The following NCOA2 variants were observed in gnomAD, a reference collection of about 807,000 sequenced individuals.
NCOA2 encodes nuclear receptor coactivator 2, also known as class E basic helix-loop-helix protein 75.
A neutral mutation model predicts 145.1 loss-of-function variants in NCOA2; 21 were observed. The ratio of observed to expected loss-of-function variants is 0.14; its 90% confidence interval spans 0.10 to 0.21. The LOEUF is 0.21. NCOA2 is among the 10% of genes least tolerant of loss of function. The pLI, the probability that NCOA2 is intolerant of heterozygous loss-of-function variation, is 1.00. For missense variants in NCOA2, 1,472 were observed against 1,837.6 expected, an observed-to-expected ratio of 0.80 and a Z score of 3.64; for synonymous variants, 619 against 637.5, an observed-to-expected ratio of 0.97 and a Z score of 0.44.
At chr8:70,280,960 G>A (rs184878902) in intron 2 of NCOA2, among the ~76,000 whole-genome samples, 5 of 151,988 alleles carry the variant, frequency 3.3e-5, no homozygotes, top group African/African-American at 1.2e-4. Context: ...GGCATCTGCA[G>A]GGGAAGGCAG....
intron 1 of NCOA2, among the ~76,000 whole-genome samples, chr8:70,325,485 G>A (rs952401684): frequency 1.3e-5 from 2 of 151,320 alleles, no homozygotes; most frequent in East Asian, 1.9e-4. Flanking sequence ...GTACAGTGGC[G>A]TAATCTCGGC....
At chr8:70,193,736 T>C (rs981124655) in intron 4 of NCOA2, among the ~76,000 whole-genome samples, 1 of 152,222 alleles carries the variant, frequency 6.6e-6, no homozygotes, top group Non-Finnish European at 1.5e-5. Context: ...TCTTACAGAA[T>C]GGTGGTATGC....
intron 1 of NCOA2, among the ~76,000 whole-genome samples, chr8:70,322,247 A>C (rs1806144175): frequency 6.6e-6 from 1 of 152,190 alleles, no homozygotes; most frequent in South Asian, 2.1e-4. Context: ...TATTTTTGGC[A>C]TGGTTCTTAC....
At chr8:70,250,081 C>T (rs73292817) in intron 2 of NCOA2, among the ~76,000 whole-genome samples, 5,589 of 151,170 alleles carry the variant, frequency 0.037, 352 homozygotes, top group African/African-American at 0.13. Flanking sequence ...TTAGTAATGT[C>T]GTTTTCATCA....
At chr8:70,119,221 C>T (rs1016056673) in intron 22 of NCOA2, among the ~76,000 whole-genome samples, 1 of 152,084 alleles carries the variant, frequency 6.6e-6, no homozygotes, top group African/African-American at 2.4e-5. Context: ...TCACAGTCAC[C>T]CTTCTCAGTC....
intron 1 of NCOA2, among the ~76,000 whole-genome samples, chr8:70,305,779 T>C (rs2135921939): frequency 6.6e-6 from 1 of 152,348 alleles, no homozygotes; most frequent in East Asian, 1.9e-4. Flanking sequence ...TATTATGCGA[T>C]TAAGTATGTC....
chr8:70,412,764 C>G, the NCOA2 span, among the ~76,000 whole-genome samples: 1 of 151,456 alleles, frequency 6.6e-6, no homozygotes, highest in Non-Finnish European at 1.5e-5. Context: ...GACATAACAC[C>G]AGGTATTGGC....
the NCOA2 span, chr8:70,424,268 T>C: frequency 2.6e-6 from 1 of 387,512 alleles, no homozygotes; most frequent in Non-Finnish European, 5.0e-6. Flanking sequence ...TCACGGAGCT[T>C]GTTATCCAGA....
At chr8:70,201,783 G>A (rs1047093462) in intron 4 of NCOA2, among the ~76,000 whole-genome samples, 4 of 152,132 alleles carry the variant, frequency 2.6e-5, no homozygotes, top group African/African-American at 9.7e-5. Flanking sequence ...AAAAGCTTCA[G>A]CGCAAGAAAT....
At position 70,129,124 on chromosome 8, in the gene NCOA2, G is replaced by C. The variant is rs1386001652; in HGVS notation, c.3325-144C>G. On this transcript the variant is annotated intron_variant, in intron 16 of 22. Coordinates refer to ENST00000452400, the MANE Select transcript of NCOA2 (RefSeq NM_006540.4). Reference sequence around the variant, plus strand: ...TACTTACTACACAAAGGTACCTTTAGAGCTTGACTCCACTTGTCTTTCTAG... The same window carrying C: ...TACTTACTACACAAAGGTACCTTTACAGCTTGACTCCACTTGTCTTTCTAG... The C allele has an allele frequency of 3.7e-6, 3 of 816,558 alleles. No homozygotes were observed. The East Asian group carries it at 8.0e-5, about 22-fold the overall frequency. The allele number at this position is 816,558 out of a possible 1,614,324, so 50.6% of individuals were successfully genotyped here.
At chr8:70,257,758 T>G (rs985919275) in intron 2 of NCOA2, among the ~76,000 whole-genome samples, 4 of 151,906 alleles carry the variant, frequency 2.6e-5, no homozygotes, top group Admixed American at 1.3e-4. Context: ...ACCAGAAAAC[T>G]TTTTCCCTGT....
intron 3 of NCOA2, 73 bp downstream of exon 3, chr8:70,216,587 G>T: frequency 8.1e-7 from 1 of 1,236,296 alleles, no homozygotes; most frequent in Non-Finnish European, 1.2e-6. Flanking sequence ...TAAAATCAAT[G>T]CTAAAATAAC....
intron 2 of NCOA2, among the ~76,000 whole-genome samples, chr8:70,242,780 T>A (rs1235024308): frequency 1.3e-5 from 2 of 152,136 alleles, no homozygotes; most frequent in Admixed American, 1.3e-4. Flanking sequence ...TGAACACATT[T>A]CACTGAGTTT....
At chr8:70,187,669 T>C (rs1274492434) in intron 4 of NCOA2, among the ~76,000 whole-genome samples, 1 of 152,226 alleles carries the variant, frequency 6.6e-6, no homozygotes, top group Non-Finnish European at 1.5e-5. Context: ...AGTATCTAAT[T>C]ATAAATATGA....
At chr8:70,139,503 C>A (rs1486633470) in intron 14 of NCOA2, among the ~76,000 whole-genome samples, 6 of 152,116 alleles carry the variant, frequency 3.9e-5, no homozygotes, top group African/African-American at 1.4e-4. Flanking sequence ...TCATTAAGTA[C>A]ATTCAATGTA....
chr8:70,341,033 T>G (rs1429175883), intron 1 of NCOA2, among the ~76,000 whole-genome samples: 1 of 145,556 alleles, frequency 6.9e-6, no homozygotes, highest in African/African-American at 2.7e-5. Flanking sequence ...TGTTTACCTA[T>G]GTAACAAAAC....
chr8:70,443,480 T>A, the NCOA2 span, among the ~76,000 whole-genome samples: 1 of 152,228 alleles, frequency 6.6e-6, no homozygotes, highest in East Asian at 1.9e-4. Context: ...TTGTATATAT[T>A]TTGAATATAA....
chr8:70,283,515 T>C (rs957970870), intron 2 of NCOA2, among the ~76,000 whole-genome samples: 6 of 152,350 alleles, frequency 3.9e-5, no homozygotes, highest in African/African-American at 7.2e-5. Context: ...CTGACTCTTA[T>C]GCATGTTTGG....
intron 4 of NCOA2, among the ~76,000 whole-genome samples, chr8:70,178,267 T>C (rs998563152): frequency 1.3e-5 from 2 of 152,224 alleles, no homozygotes; most frequent in Non-Finnish European, 2.9e-5. Context: ...AGATATAATT[T>C]GGGGTAAGGG....
Sources: gnomAD v4.1 joint callset for allele counts (sites outside exome capture counted in the v4.1 genomes callset) on GRCh38, gnomAD v4.1.1 for gene constraint, MANE v1.5 for transcripts, NCBI Gene and HGNC (gene_info 2026-07-23, HGNC 2026-07-21) for gene names.